CLIP2: variants seen among roughly 807,000 people sequenced by gnomAD.
The protein encoded by CLIP2 is CAP-Gly domain containing linker protein 2, also known as CAP-Gly domain-containing linker protein 2.
Under a neutral mutation model 111.7 loss-of-function variants are expected in CLIP2, and 41 were observed. The observed-to-expected ratio is 0.37, with a 90% confidence interval of 0.29 to 0.48. The LOEUF is 0.48. Ranked by LOEUF, CLIP2 falls within the 20% of genes least tolerant of loss-of-function variation. The pLI, the probability that CLIP2 is intolerant of heterozygous loss-of-function variation, is 0.99. For missense variants in CLIP2, 1,160 were observed against 1,422.1 expected, an observed-to-expected ratio of 0.82 and a Z score of 2.96; for synonymous variants, 660 against 644.2, an observed-to-expected ratio of 1.02 and a Z score of -0.37.
intron 11 of CLIP2, among the ~76,000 whole-genome samples, chr7:74,382,899 C>T (rs1026990281): frequency 6.6e-6 from 1 of 151,162 alleles, no homozygotes; most frequent in Non-Finnish European, 1.5e-5. Context: ...TAGTGAGACC[C>T]TGTCTCTACA....
In CLIP2 at chr7:74,397,126, G is replaced by A; in HGVS notation, c.2773G>A (p.Gly925Arg). The change falls in exon 14 of 17, where the codon GGG becomes AGG. Residue 925 changes from glycine to arginine, a missense_variant. Transcript: ENST00000223398. ...LLLEANRHSP[G>R]PERDLSREVH... Reference sequence around the variant, plus strand: ...GCTGGAGGCCAATCGTCACTCCCCAGGGCCGGAGAGGGACCTGAGCCGTGA... The same window carrying A: ...GCTGGAGGCCAATCGTCACTCCCCAAGGCCGGAGAGGGACCTGAGCCGTGA... 25 of 1,613,912 alleles carry A rather than the reference G, an allele frequency of 1.5e-5. No homozygotes were observed. Among genetic ancestry groups the A allele is most frequent in the Non-Finnish European group, 2.1e-5 (25 of 1,179,974 alleles).
intron 1 of CLIP2, among the ~76,000 whole-genome samples, chr7:74,299,589 CAG>C (rs1325682834): frequency 6.6e-6 from 1 of 152,218 alleles, no homozygotes; most frequent in Non-Finnish European, 1.5e-5. Context: ...TTATGCCACT[CAG>C]GGACCAGGCC....
chr7:74,403,783 T>C, intron 16 of CLIP2, 54 bp from the exon 17 acceptor site: 1 of 1,607,028 alleles, frequency 6.2e-7, no homozygotes, highest in South Asian at 1.1e-5. Context: ...TCTGGCCGCC[T>C]GGCCCTCCAG....
rs1554732789 is a variant in CLIP2 at position 74,338,892 on chromosome 7, A to G, written c.566A>G (p.Glu189Gly). ...PLTSRVIPLR[E>G]SVLNSSVKTG... ...ACCAGCCGCGTCATCCCCCTGCGGG[A>G]GAGCGTCCTCAACAGCTCCGTGAAG... Residue 189 changes from glutamate (E) to glycine (G), a missense_variant, in exon 3 of 17, where the codon GAG (glutamate) becomes GGG (glycine). Around this residue, in one of 5 missense-constraint regions of CLIP2, gnomAD observed 301 missense variants for 315.2 expected, o/e 0.96. Transcript: ENST00000223398. This position sits in a 1 kb window ranked among gnomAD's most constrained non-coding sequence, Gnocchi z 4.3. 1 of 1,605,464 alleles carries G rather than the reference A, an allele frequency of 6.2e-7. No individual in the cohort carries two copies. The highest frequency in any genetic ancestry group is 1.1e-5 in the South Asian group (1 of 91,088).
intron 13 of CLIP2, among the ~76,000 whole-genome samples, chr7:74,395,178 G>A (rs1424305328): frequency 1.4e-5 from 2 of 146,882 alleles, no homozygotes; most frequent in Non-Finnish European, 3.0e-5. Context: ...TTTTTTTTCT[G>A]AGACGGAGTT....
intron 13 of CLIP2, among the ~76,000 whole-genome samples, chr7:74,391,712 C>T (rs1234976175): frequency 1.3e-5 from 2 of 151,534 alleles, no homozygotes; most frequent in Non-Finnish European, 2.9e-5. Flanking sequence ...CCCAGCTACT[C>T]AGGAGGCTGA....
At chr7:74,381,175 G>A (rs190887042) in intron 11 of CLIP2, 1 of 167,724 alleles carries the variant, frequency 6.0e-6, no homozygotes, top group Admixed American at 6.3e-5. Flanking sequence ...TATTTATTTA[G>A]TTTATACTTT....
chr7:74,316,432 G>C (rs908193097), intron 1 of CLIP2, among the ~76,000 whole-genome samples: 5 of 151,544 alleles, frequency 3.3e-5, no homozygotes, highest in African/African-American at 4.9e-5. Flanking sequence ...TTTATTTTCT[G>C]TAGCGACAAA....
intron 1 of CLIP2, among the ~76,000 whole-genome samples, chr7:74,291,426 G>C (rs1457799015): frequency 2.6e-5 from 4 of 152,232 alleles, no homozygotes; most frequent in African/African-American, 7.2e-5. Flanking sequence ...GAAGAGTTCA[G>C]ATGCTGGAGC....
At chr7:74,303,122 T>C (rs942270784) in intron 1 of CLIP2, among the ~76,000 whole-genome samples, 4 of 152,128 alleles carry the variant, frequency 2.6e-5, no homozygotes, top group African/African-American at 9.7e-5. Flanking sequence ...AGCTTCAGGT[T>C]CCGCCTCAGA....
chr7:74,299,701 C>T (rs1191373800), intron 1 of CLIP2, among the ~76,000 whole-genome samples: 3 of 149,300 alleles, frequency 2.0e-5, no homozygotes, highest in Admixed American at 6.7e-5. Flanking sequence ...CCTTCTTCTT[C>T]TTCTTTTTTT....
intron 8 of CLIP2, among the ~76,000 whole-genome samples, chr7:74,366,648 C>T (rs1303071199): frequency 2.6e-5 from 4 of 152,124 alleles, no homozygotes; most frequent in South Asian, 2.1e-4. Flanking sequence ...GAGGCCAAAG[C>T]GGCGGATCAC....
At chr7:74,306,665 G>A (rs563285304) in intron 1 of CLIP2, among the ~76,000 whole-genome samples, 150 of 152,292 alleles carry the variant, frequency 9.8e-4, no homozygotes, top group East Asian at 8.1e-3. Context: ...ATCGGAGGGT[G>A]GCACAAAAGG....
Position 74,389,271 on chromosome 7 carries a change from G to T in CLIP2, c.2720+12G>T. On this transcript the variant is annotated intron_variant, in intron 13 of 16. Transcript: ENST00000223398. ...CTGCGGAAGGAGCGGTGAGGCGGCC[G>T]TGGGGCCGGCTGGGTCCTCCCTGTG... 1 of 1,568,342 alleles carries T rather than the reference G, an allele frequency of 6.4e-7. No individual in the cohort carries two copies. Among genetic ancestry groups the T allele is most frequent in the Non-Finnish European group, 8.6e-7 (1 of 1,158,618 alleles).
At chr7:74,326,065 C>A (rs1363910928) in intron 2 of CLIP2, among the ~76,000 whole-genome samples, 2 of 152,138 alleles carry the variant, frequency 1.3e-5, no homozygotes, top group African/African-American at 4.8e-5. Flanking sequence ...ATGGTGAAAC[C>A]TCGTCTCTAC....
intron 3 of CLIP2, among the ~76,000 whole-genome samples, chr7:74,345,085 A>G (rs1554306028): frequency 1.3e-5 from 2 of 152,144 alleles, no homozygotes; most frequent in African/African-American, 4.8e-5. Flanking sequence ...CCTCATGGAA[A>G]TGTCAGATTT....
intron 13 of CLIP2, among the ~76,000 whole-genome samples, chr7:74,393,548 C>T (rs1252214860): frequency 1.3e-5 from 2 of 151,682 alleles, no homozygotes; most frequent in African/African-American, 2.4e-5. Flanking sequence ...GTTGGTCATG[C>T]TGGTCTCGAA....
In CLIP2 at chr7:74,376,516, C is replaced by T. The variant is rs1205623485; in HGVS notation, c.2115C>T (p.Ala705=). The T allele has an allele frequency of 6.2e-7, 1 of 1,604,034 alleles. No homozygotes were observed. Among genetic ancestry groups the T allele is most frequent in the East Asian group, 2.2e-5 (1 of 44,450 alleles). The stretch of plus-strand genomic sequence containing the variant: ...CTGGGCTGCAGCGGCACTGGCGGGC[C>T]CAGCTGGAGGTGCAAGCCAGCCAGC... ...ELAGLQRHWR[A]QLEVQASQHR... is the part of the protein sequence containing the mutation. Residue 705 remains alanine, a synonymous_variant, in exon 10 of 17, where the codon GCC becomes GCT. Coordinates refer to ENST00000223398, the MANE Select transcript of CLIP2 (RefSeq NM_003388.5). The surrounding 1 kb of genome is among the most constrained non-coding windows in gnomAD (Gnocchi z 7.1).
chr7:74,354,787 T>A (rs564608904), intron 4 of CLIP2, among the ~76,000 whole-genome samples: 155 of 151,738 alleles, frequency 1.0e-3, no homozygotes, highest in East Asian at 7.4e-3. Flanking sequence ...TAATAAAAAA[T>A]AAATAAATAA....
Sources: allele counts gnomAD v4.1 joint callset (sites outside exome capture counted in the v4.1 genomes callset), GRCh38; gene constraint gnomAD v4.1.1; regional missense constraint gnomAD v4.1.1; non-coding constraint Gnocchi (gnomAD v3.1); transcripts MANE v1.5; gene names NCBI Gene and HGNC (gene_info 2026-07-23, HGNC 2026-07-21).